Variants in KCNMA1 observed in about 807,000 individuals in gnomAD.
KCNMA1 encodes Calcium-activated potassium channel subunit alpha-1.
A neutral mutation model predicts 140.0 loss-of-function variants in KCNMA1; 29 were observed. The observed-to-expected ratio is 0.21, with a 90% CI of 0.15 to 0.28. The LOEUF (loss-of-function observed/expected upper bound fraction) is 0.28. Ranked by LOEUF, KCNMA1 falls within the 10% of genes least tolerant of loss-of-function variation. The probability of loss-of-function intolerance (pLI) is 1.00; values close to 1 mark genes in which losing one functional copy is unlikely to be tolerated. For synonymous variants in KCNMA1, 612 were observed against 611.9 expected, an observed-to-expected ratio of 1.00 and a Z score of 0.00; for missense variants, 880 against 1,602.2, an observed-to-expected ratio of 0.55 and a Z score of 7.70.
At position 76,885,339 on chromosome 10, in the gene KCNMA1, C is replaced by T; in HGVS notation, c.*1927G>A. 1 of 981,714 alleles carries T rather than the reference C, an allele frequency of 1.0e-6. No individual in the cohort carries two copies. The highest frequency in any genetic ancestry group is 1.2e-6 in the Non-Finnish European group (1 of 827,172). 60.8% of individuals were successfully genotyped at this position (981,714 alleles called of 1,614,324 possible). A position where few individuals can be genotyped will look rare whatever the true frequency, so the allele number is the denominator to read the frequency against. Reference sequence around the variant, plus strand: ...AAAATAATTTGAAAAAATTCTTCCACTCATAGGGCTTGATAATTTACATGT... The same window carrying T: ...AAAATAATTTGAAAAAATTCTTCCATTCATAGGGCTTGATAATTTACATGT... On this transcript the variant is annotated 3_prime_UTR_variant, in exon 28 of 28. Coordinates refer to ENST00000286628, the MANE Select transcript of KCNMA1 (RefSeq NM_001161352.2).
chr10:77,267,223 C>A (rs2063687731), intron 2 of KCNMA1, among the ~76,000 whole-genome samples: 1 of 152,138 alleles, frequency 6.6e-6, no homozygotes, highest in Non-Finnish European at 1.5e-5. Context: ...GTTTTGCACT[C>A]AATGTGACAG....
intron 1 of KCNMA1, among the ~76,000 whole-genome samples, chr10:77,598,946 A>G (rs574835131): frequency 6.6e-6 from 1 of 152,374 alleles, no homozygotes; most frequent in South Asian, 2.1e-4. Context: ...TAAGGTCTGA[A>G]GAAGGTGGGG....
chr10:77,323,804 T>C (rs1025391909), intron 2 of KCNMA1, among the ~76,000 whole-genome samples: 5 of 152,164 alleles, frequency 3.3e-5, no homozygotes, highest in South Asian at 2.1e-4. Flanking sequence ...TTTCCTGCCA[T>C]AGAGGGAGGG....
At chr10:77,067,195 A>T (rs1374020169) in intron 14 of KCNMA1, among the ~76,000 whole-genome samples, 1 of 152,164 alleles carries the variant, frequency 6.6e-6, no homozygotes, top group Non-Finnish European at 1.5e-5. Flanking sequence ...CCTCAACCCA[A>T]CCCATGTGGG....
intron 10 of KCNMA1, among the ~76,000 whole-genome samples, chr10:77,087,810 C>T (rs937840716): frequency 3.3e-5 from 5 of 152,156 alleles, no homozygotes; most frequent in East Asian, 3.9e-4. Context: ...ACGCCAGGTA[C>T]CGTGATAAGT....
chr10:77,116,038 T>C (rs2097454710), intron 6 of KCNMA1, among the ~76,000 whole-genome samples: 1 of 152,176 alleles, frequency 6.6e-6, no homozygotes, highest in African/African-American at 2.4e-5. Context: ...TATATCTCTG[T>C]GTGGAGATAG....
At chr10:77,176,392 G>C (rs2098751733) in intron 5 of KCNMA1, among the ~76,000 whole-genome samples, 1 of 152,146 alleles carries the variant, frequency 6.6e-6, no homozygotes, top group Non-Finnish European at 1.5e-5. Flanking sequence ...CCAAACCTCA[G>C]AGTAAGTTGC....
intron 1 of KCNMA1, among the ~76,000 whole-genome samples, chr10:77,572,999 C>A (rs2072271384): frequency 1.3e-5 from 2 of 152,160 alleles, no homozygotes; most frequent in South Asian, 4.1e-4. Context: ...AACTGCCTCG[C>A]AGTTCAGGGC....
Position 77,452,842 on chromosome 10 carries a change from A to T in KCNMA1, c.379-48819T>A, listed in dbSNP as rs1031183488. On this transcript the variant is annotated intron_variant, in intron 1 of 27. Transcript: ENST00000286628. ...CTTTGTTTTTGTTTTACTGATTCAT[A>T]TTCAAGTTCCAGCTCTTGGATCCTC... Among the ~76,000 whole-genome samples, 12 of 152,202 alleles carry T rather than the reference A, an allele frequency of 7.9e-5. 1 individual carries two copies. The South Asian group carries it at 1.2e-3, about 16-fold the overall frequency.
intron 5 of KCNMA1, among the ~76,000 whole-genome samples, chr10:77,125,080 C>T (rs530757439): frequency 6.6e-6 from 1 of 152,130 alleles, no homozygotes; most frequent in Non-Finnish European, 1.5e-5. Context: ...GGTAACTGCC[C>T]CCATGATTCA....
At chr10:77,135,303 A>T (rs926028855) in intron 5 of KCNMA1, among the ~76,000 whole-genome samples, 4 of 152,190 alleles carry the variant, frequency 2.6e-5, no homozygotes, top group African/African-American at 7.2e-5. Flanking sequence ...CTATCACTTC[A>T]CATCTGTTAG....
rs553533757 is a variant in KCNMA1, at chr10:77,467,763, G to A, written c.379-63740C>T. On this transcript the variant is annotated intron_variant, in intron 1 of 27. Coordinates refer to ENST00000286628, the MANE Select transcript of KCNMA1 (RefSeq NM_001161352.2). ...GCAGGGCCACTTGGCCACTCGCCGA[G>A]TTCTACATTCACAGGGACCACGAAT... Among the ~76,000 whole-genome samples, 10 of 152,352 alleles carry A rather than the reference G, an allele frequency of 6.6e-5. No homozygotes were observed. The South Asian group carries it at 1.9e-3, about 28-fold the overall frequency.
At chr10:76,991,543 G>A (rs1257548360) in intron 19 of KCNMA1, among the ~76,000 whole-genome samples, 1 of 152,098 alleles carries the variant, frequency 6.6e-6, no homozygotes, top group African/African-American at 2.4e-5. Context: ...TTGCTGCTTA[G>A]AAAGTTTTGG....
intron 19 of KCNMA1, chr10:76,980,197 T>C (rs948866884): frequency 1.3e-5 from 2 of 152,184 alleles, no homozygotes; most frequent in Non-Finnish European, 2.9e-5. Flanking sequence ...ATAGCTGCAC[T>C]CATACGCAGA....
At chr10:76,882,973 C>G (rs1308265880), downstream of KCNMA1, among the ~76,000 whole-genome samples, 1 of 152,200 alleles carries the variant, frequency 6.6e-6, no homozygotes, top group Non-Finnish European at 1.5e-5. Context: ...CTTCAAGGAG[C>G]CTGTTGCTAT....
At chr10:77,600,748 A>AACACACAC (rs60159761) in intron 1 of KCNMA1, among the ~76,000 whole-genome samples, 7 of 150,408 alleles carry the variant, frequency 4.7e-5, no homozygotes, top group African/African-American at 7.3e-5. Context: ...CTCCATCTCA[A>AACACACAC]ACACACACAC....
intron 22 of KCNMA1, among the ~76,000 whole-genome samples, chr10:76,946,536 A>G (rs2064011016): frequency 6.6e-6 from 1 of 152,106 alleles, no homozygotes; most frequent in East Asian, 1.9e-4. Flanking sequence ...GCCCTAAAAT[A>G]TTGTGCAACT....
At chr10:77,321,350 G>A (rs2082280820) in intron 2 of KCNMA1, among the ~76,000 whole-genome samples, 1 of 152,148 alleles carries the variant, frequency 6.6e-6, no homozygotes, top group Non-Finnish European at 1.5e-5. Context: ...GCCATACCCA[G>A]AGGAGAAAGC....
chr10:76,956,832 T>TAGCATTTGGGCCGGGCGTGGTGGC, intron 20 of KCNMA1, among the ~76,000 whole-genome samples: 1 of 152,196 alleles, frequency 6.6e-6, no homozygotes, highest in East Asian at 1.9e-4. Flanking sequence ...GCAAAGAAAG[T>TAGCATTTGGGCCGGGCGTGGTGGC]AGCATTTGGG....
Sources: gnomAD v4.1 joint callset for allele counts (sites outside exome capture counted in the v4.1 genomes callset) on GRCh38, gnomAD v4.1.1 for gene constraint, MANE v1.5 for transcripts, NCBI Gene and HGNC (gene_info 2026-07-23, HGNC 2026-07-21) for gene names.